SLC9A9: variants seen among roughly 807,000 people sequenced by gnomAD.
SLC9A9 encodes the protein sodium/hydrogen exchanger 9.
In SLC9A9, 62 loss-of-function variants were observed where a neutral mutation model predicts 77.8. The observed-to-expected ratio is 0.80, with a 90% confidence interval of 0.65 to 0.98. The LOEUF (loss-of-function observed/expected upper bound fraction) is 0.98. SLC9A9 is among the 50% of genes least tolerant of loss of function. The pLI, the probability that SLC9A9 is intolerant of heterozygous loss-of-function variation, is 0.00. For synonymous variants in SLC9A9, 320 were observed against 283.5 expected, an observed-to-expected ratio of 1.13 and a Z score of -1.29; for missense variants, 775 against 774.9, an observed-to-expected ratio of 1.00 and a Z score of 0.00.
intron 12 of SLC9A9, among the ~76,000 whole-genome samples, chr3:143,423,239 A>C (rs901167764): frequency 7.6e-6 from 1 of 131,612 alleles, no homozygotes; most frequent in African/African-American, 2.9e-5. Flanking sequence ...ACGTGTACAC[A>C]CGCGCGTGTA....
intron 5 of SLC9A9, among the ~76,000 whole-genome samples, chr3:143,676,666 G>A (rs1932901875): frequency 6.6e-6 from 1 of 152,098 alleles, no homozygotes; most frequent in African/African-American, 2.4e-5. Flanking sequence ...GAACCCAGGA[G>A]GCGGAAGTTG....
intron 4 of SLC9A9, among the ~76,000 whole-genome samples, chr3:143,731,764 C>G (rs560098747): frequency 1.3e-5 from 2 of 152,208 alleles, no homozygotes; most frequent in Non-Finnish European, 2.9e-5. Context: ...ATCCATTGCT[C>G]TTTTCTGAAC....
At chr3:143,759,214 C>G (rs867095508) in intron 4 of SLC9A9, among the ~76,000 whole-genome samples, 3 of 152,202 alleles carry the variant, frequency 2.0e-5, no homozygotes, top group Middle Eastern at 3.4e-3. Flanking sequence ...GGATGACAGA[C>G]CTCTTGAGAG....
chr3:143,277,862 C>T (rs995077892), intron 14 of SLC9A9, among the ~76,000 whole-genome samples: 4 of 152,146 alleles, frequency 2.6e-5, no homozygotes, highest in Non-Finnish European at 5.9e-5. Context: ...TCCTCCGTTC[C>T]AAGTCTTCTC....
intron 6 of SLC9A9, among the ~76,000 whole-genome samples, chr3:143,585,701 T>C (rs567718316): frequency 6.6e-6 from 1 of 152,328 alleles, no homozygotes; most frequent in East Asian, 1.9e-4. Flanking sequence ...CCTGAGTACC[T>C]TCCATGGGCC....
chr3:143,715,083 T>C (rs1361159371), intron 4 of SLC9A9, among the ~76,000 whole-genome samples: 2 of 152,230 alleles, frequency 1.3e-5, no homozygotes, highest in Non-Finnish European at 2.9e-5. Context: ...TTGTGAGGTC[T>C]CTCCAGCCAA....
intron 12 of SLC9A9, among the ~76,000 whole-genome samples, chr3:143,448,512 C>G (rs909956052): frequency 5.3e-5 from 8 of 152,020 alleles, no homozygotes; most frequent in Middle Eastern, 3.2e-3. Flanking sequence ...TAGGCATCCT[C>G]AAAAGCATGC....
At chr3:143,634,270 A>ATATT (rs2038477523) in intron 6 of SLC9A9, among the ~76,000 whole-genome samples, 1 of 152,100 alleles carries the variant, frequency 6.6e-6, no homozygotes, top group African/African-American at 2.4e-5. Flanking sequence ...TTTCGGGAGA[A>ATATT]TATTGTTTTA....
chr3:143,767,903 A>C (rs932189855), intron 4 of SLC9A9, among the ~76,000 whole-genome samples: 1 of 152,332 alleles, frequency 6.6e-6, no homozygotes, highest in East Asian at 1.9e-4. Flanking sequence ...TCACTTCCTC[A>C]GAAGTTTTTT....
chr3:143,608,742 A>T (rs1366891551), intron 6 of SLC9A9, among the ~76,000 whole-genome samples: 1 of 152,206 alleles, frequency 6.6e-6, no homozygotes, highest in Non-Finnish European at 1.5e-5. Flanking sequence ...ACGCATATGA[A>T]AAACTGGTCA....
At chr3:143,578,266 A>G (rs2037395502) in intron 7 of SLC9A9, among the ~76,000 whole-genome samples, 1 of 152,174 alleles carries the variant, frequency 6.6e-6, no homozygotes, top group South Asian at 2.1e-4. Flanking sequence ...GACCCTAGTA[A>G]GGCCAATCCT....
intron 6 of SLC9A9, among the ~76,000 whole-genome samples, chr3:143,639,993 G>C (rs2038593756): frequency 6.6e-6 from 1 of 150,864 alleles, no homozygotes; most frequent in Non-Finnish European, 1.5e-5. Flanking sequence ...CTGGTCCCTG[G>C]GTCAGTAATT....
intron 9 of SLC9A9, chr3:143,517,527 G>C: frequency 6.3e-7 from 1 of 1,597,500 alleles, no homozygotes. Flanking sequence ...TACTTTCTCC[G>C]ATGTTCTGCA....
intron 2 of SLC9A9, among the ~76,000 whole-genome samples, chr3:143,818,770 T>G (rs1031474597): frequency 2.0e-5 from 3 of 152,116 alleles, no homozygotes; most frequent in African/African-American, 7.2e-5. Flanking sequence ...CTTAGTATTA[T>G]GAATGTTAAC....
chr3:143,529,089 C>A (rs2036459048), intron 9 of SLC9A9, among the ~76,000 whole-genome samples: 1 of 152,050 alleles, frequency 6.6e-6, no homozygotes, highest in African/African-American at 2.4e-5. Flanking sequence ...GGTGAGTTAC[C>A]CTGTGCCAAC....
chr3:143,797,299 A>C (rs1446373430), intron 2 of SLC9A9, among the ~76,000 whole-genome samples: 1 of 152,048 alleles, frequency 6.6e-6, no homozygotes, highest in Non-Finnish European at 1.5e-5. Context: ...CCATTCCAAA[A>C]TTTAAAACAT....
chr3:143,665,911 A>G (rs1055657434), intron 5 of SLC9A9, among the ~76,000 whole-genome samples: 1 of 152,234 alleles, frequency 6.6e-6, no homozygotes, highest in East Asian at 1.9e-4. Flanking sequence ...TACAAAGAGG[A>G]GCTGGCACCA....
chr3:143,797,336 T>C (rs2008413967), intron 2 of SLC9A9, among the ~76,000 whole-genome samples: 1 of 152,194 alleles, frequency 6.6e-6, no homozygotes, highest in Admixed American at 6.5e-5. Context: ...AAGAACACAC[T>C]TGAACTTGAA....
intron 8 of SLC9A9, among the ~76,000 whole-genome samples, chr3:143,553,015 C>T (rs2036919288): frequency 6.6e-6 from 1 of 152,166 alleles, no homozygotes; most frequent in Non-Finnish European, 1.5e-5. Flanking sequence ...CTTGTTTTCT[C>T]CTGTGCCTCT....
Sources: allele counts gnomAD v4.1 joint callset (sites outside exome capture counted in the v4.1 genomes callset), GRCh38; gene constraint gnomAD v4.1.1; transcripts MANE v1.5; gene names NCBI Gene and HGNC (gene_info 2026-07-23, HGNC 2026-07-21).